Variants in CAPN14 observed in about 807,000 individuals in gnomAD.
CAPN14 encodes the protein calpain 14.
A neutral mutation model predicts 101.3 loss-of-function variants in CAPN14; 94 were observed. The observed-to-expected ratio is 0.93, with a 90% CI of 0.79 to 1.10. CAPN14 has a LOEUF of 1.10. Among genes scored for constraint, CAPN14 ranks in the 50% least tolerant of loss-of-function variants. The pLI is 0.00. For missense variants in CAPN14, 837 were observed against 828.4 expected (o/e 1.01, Z -0.13); for synonymous variants, 338 against 317.9 (o/e 1.06, Z -0.67).
intron 8 of CAPN14, among the ~76,000 whole-genome samples, chr2:31,196,196 T>G (rs4952058): frequency 0.2 from 30,548 of 152,192 alleles, 3,406 homozygotes; most frequent in East Asian, 0.37. Flanking sequence ...CTCATCATTT[T>G]AATATTCACT....
chr2:31,181,404 TTCTTTC>T lies in CAPN14; in HGVS notation c.1646-410_1646-405del, dbSNP rs1336563276. On this transcript the variant is annotated intron_variant, in intron 16 of 21. Coordinates refer to ENST00000403897, the MANE Select transcript of CAPN14 (RefSeq NM_001145122.2). ...TTTCTTTTTTTCTTTCTTTTTTTCT[TTCTTTC>T]TTTCTTTCTTTCTTTCTTTCTTTCT... Among the ~76,000 whole-genome samples the T allele has an allele frequency of 8.0e-3, 923 of 115,630 alleles. 8 individuals carry two copies. The highest frequency in any genetic ancestry group is 0.027 in the African/African-American group (862 of 31,998). 75.9% of individuals were successfully genotyped at this position (115,630 alleles called of 152,430 possible).
At chr2:31,190,137 TTCTCTC>T (rs3031867) in intron 12 of CAPN14, among the ~76,000 whole-genome samples, 64 of 142,660 alleles carry the variant, frequency 4.5e-4, no homozygotes, top group African/African-American at 1.1e-3. Context: ...CTGATTCATA[TTCTCTC>T]TCTCTCTCTC....
intron 1 of CAPN14, among the ~76,000 whole-genome samples, chr2:31,206,673 A>T (rs537253253): frequency 7.2e-5 from 11 of 152,258 alleles, no homozygotes; most frequent in African/African-American, 2.6e-4. Flanking sequence ...GTACGTGCCC[A>T]TTCTCCCCTT....
chr2:31,190,384 C>T (rs1184266197), intron 12 of CAPN14, among the ~76,000 whole-genome samples: 1 of 152,140 alleles, frequency 6.6e-6, no homozygotes, highest in Admixed American at 6.5e-5. Context: ...ATGAGGTAGG[C>T]ATTTTTTTTA....
intron 1 of CAPN14, among the ~76,000 whole-genome samples, chr2:31,229,982 T>C (rs1683140036): frequency 6.6e-6 from 1 of 152,234 alleles, no homozygotes; most frequent in Non-Finnish European, 1.5e-5. Context: ...TATTTTGGCA[T>C]AGGTAGCACC....
intron 2 of CAPN14, among the ~76,000 whole-genome samples, chr2:31,225,884 G>A (rs1344595081): frequency 6.6e-6 from 1 of 151,924 alleles, no homozygotes; most frequent in Admixed American, 6.6e-5. Context: ...AGACAGAAAG[G>A]GAGAGGAGGA....
chr2:31,211,498 G>A (rs1682401034), intron 1 of CAPN14, among the ~76,000 whole-genome samples: 1 of 152,020 alleles, frequency 6.6e-6, no homozygotes, highest in South Asian at 2.1e-4. Flanking sequence ...TCTTCATAGC[G>A]ACTCAGGTTA....
intron 17 of CAPN14, among the ~76,000 whole-genome samples, chr2:31,179,401 C>T (rs1572387916): frequency 6.6e-6 from 1 of 152,118 alleles, no homozygotes; most frequent in East Asian, 1.9e-4. Context: ...GACATGAACT[C>T]ATCTTTTTAT....
chr2:31,210,671 A>T (rs1047591718), intron 1 of CAPN14, among the ~76,000 whole-genome samples: 1 of 152,314 alleles, frequency 6.6e-6, no homozygotes, highest in Middle Eastern at 3.4e-3. Flanking sequence ...CCACTACTCA[A>T]TGATAGTCAT....
chr2:31,216,768 G>C (rs11685796), intron 1 of CAPN14, among the ~76,000 whole-genome samples: 1 of 151,382 alleles, frequency 6.6e-6, no homozygotes, highest in African/African-American at 2.4e-5. Context: ...AGAGCTTTGA[G>C]GAGTGATTTC....
chr2:31,197,392 C>A, intron 7 of CAPN14, 58 bp from the exon 8 acceptor site: 1 of 1,178,370 alleles, frequency 8.5e-7, no homozygotes. Flanking sequence ...TTCCAGAGAT[C>A]TGAGTGAGAC....
intron 1 of CAPN14, among the ~76,000 whole-genome samples, chr2:31,231,070 C>CA (rs1683177254): frequency 6.6e-6 from 1 of 152,140 alleles, no homozygotes; most frequent in Non-Finnish European, 1.5e-5. Flanking sequence ...TAGTTGTTGC[C>CA]ATTGCTATGT....
At chr2:31,209,144 T>TG (rs1455778503) in intron 1 of CAPN14, among the ~76,000 whole-genome samples, 5 of 150,694 alleles carry the variant, frequency 3.3e-5, no homozygotes, top group Non-Finnish European at 5.9e-5. Flanking sequence ...TAACTTTTTT[T>TG]TTTTTTTTTT....
intron 12 of CAPN14, 60 bp from the exon 13 acceptor site, chr2:31,189,538 C>T: frequency 7.3e-7 from 1 of 1,365,916 alleles, no homozygotes; most frequent in Non-Finnish European, 1.0e-6. Context: ...GTGGCCAGGC[C>T]TGAGGCCCTC....
At chr2:31,218,055 T>A (rs1055179911), upstream of CAPN14, among the ~76,000 whole-genome samples, 1 of 152,210 alleles carries the variant, frequency 6.6e-6, no homozygotes, top group Non-Finnish European at 1.5e-5. Context: ...TCCCTCTTCC[T>A]TCCCAACCTA....
intron 17 of CAPN14, among the ~76,000 whole-genome samples, chr2:31,179,060 CTATATATATATATATATA>C (rs60701103): frequency 5.9e-4 from 41 of 69,202 alleles, no homozygotes; most frequent in Admixed American, 4.6e-3. Context: ...TTATTGAGTT[CTATATATATATATATATA>C]TATATATATA....
chr2:31,188,376 C>G (rs1465973), intron 13 of CAPN14, 22 bp from the exon 14 acceptor site: 28 of 1,550,416 alleles, frequency 1.8e-5, no homozygotes, highest in Non-Finnish European at 2.1e-5. Context: ...CAAACAAGAA[C>G]AAACTCAGAG....
At chr2:31,206,562 T>C (rs1682109697) in intron 1 of CAPN14, among the ~76,000 whole-genome samples, 1 of 152,206 alleles carries the variant, frequency 6.6e-6, no homozygotes. Context: ...GCCTACATTC[T>C]CTTTACAAAG....
chr2:31,176,979 G>T, intron 20 of CAPN14, 47 bp downstream of exon 20: 1 of 1,336,842 alleles, frequency 7.5e-7, no homozygotes, highest in Non-Finnish European at 1.0e-6. Context: ...GGAAGTCATG[G>T]GGCAGCAGAG....
Sources: allele counts gnomAD v4.1 joint callset (sites outside exome capture counted in the v4.1 genomes callset), GRCh38; gene constraint gnomAD v4.1.1; transcripts MANE v1.5; gene names NCBI Gene and HGNC (gene_info 2026-07-23, HGNC 2026-07-21).